The following LARS2 variants were observed in gnomAD, a reference collection of about 807,000 sequenced individuals.
LARS2 encodes the protein leucyl-tRNA synthetase 2, mitochondrial.
A neutral mutation model predicts 116.6 loss-of-function variants in LARS2; 81 were observed. The ratio of observed to expected loss-of-function variants is 0.69; its 90% CI spans 0.58 to 0.84. LARS2 has a LOEUF of 0.84. Ranked by LOEUF, LARS2 falls within the 40% of genes least tolerant of loss-of-function variation. The pLI, the probability that LARS2 is intolerant of heterozygous loss-of-function variation, is 0.00. For synonymous variants in LARS2, 396 were observed against 407.2 expected (o/e 0.97, Z 0.33); for missense variants, 968 against 1,114.5 (o/e 0.87, Z 1.87).
intron 6 of LARS2, among the ~76,000 whole-genome samples, chr3:45,423,055 GTTTTC>G (rs1224335478): frequency 6.6e-6 from 1 of 152,050 alleles, no homozygotes; most frequent in Non-Finnish European, 1.5e-5. Context: ...TTTGGATTCT[GTTTTC>G]TTTTATCTAT....
intron 12 of LARS2, among the ~76,000 whole-genome samples, chr3:45,489,829 A>G (rs765466673): frequency 5.3e-5 from 8 of 152,152 alleles, no homozygotes; most frequent in Non-Finnish European, 8.8e-5. Context: ...TCAGACATCA[A>G]TAGTGTTCAG....
rs912197990 is a variant in LARS2 at position 45,486,790 on chromosome 3, C to T, written c.1123+994C>T. Among the ~76,000 whole-genome samples the T allele has an allele frequency of 4.6e-5, 7 of 152,026 alleles. 1 individual carries two copies. The highest frequency in any genetic ancestry group is 7.4e-5 in the Non-Finnish European group (5 of 68,020). On this transcript the variant is annotated intron_variant, in intron 11 of 21. Transcript: ENST00000645846. ...AGTAAAATTTATTAATATAACCAGC[C>T]GGGATAAACATAAAGGCAGTTTTTA...
At chr3:45,413,607 T>G (rs1324892534) in intron 4 of LARS2, among the ~76,000 whole-genome samples, 1 of 152,246 alleles carries the variant, frequency 6.6e-6, no homozygotes, top group Non-Finnish European at 1.5e-5. Flanking sequence ...TTGGTTAGCA[T>G]TTCCTGTGCA....
rs999129479 is a variant in LARS2 at position 45,504,197 on chromosome 3, C to T, written c.1760+3618C>T. On this transcript the variant is annotated intron_variant, in intron 15 of 21. Coordinates refer to ENST00000645846, the MANE Select transcript of LARS2 (RefSeq NM_015340.4). ...GTCCAGTGATCCTCTTTATTATACGCTTAGCAAATAATTGGGAGCATATAT... is the reference window on the plus strand; with the variant it reads ...GTCCAGTGATCCTCTTTATTATACGTTTAGCAAATAATTGGGAGCATATAT... Among the ~76,000 whole-genome samples, 19 of 151,972 alleles carry T rather than the reference C, an allele frequency of 1.3e-4. No homozygotes were observed. The South Asian group carries it at 4.0e-3, about 32-fold the overall frequency.
intron 21 of LARS2, 30 bp from the exon 22 acceptor site, chr3:45,547,321 A>C (rs376328085): frequency 1.2e-5 from 19 of 1,579,424 alleles, no homozygotes; most frequent in Non-Finnish European, 1.5e-5. Flanking sequence ...GATGTTCCTC[A>C]TTGTTTATCT....
rs546668983 is a variant in LARS2 at position 45,544,496 on chromosome 3, T to C, written c.2532+2540T>C. On this transcript the variant is annotated intron_variant, in intron 21 of 21. Transcript: ENST00000645846. ...TGCACTAATGACAAAATCCTCTTAATACAGAGTGAGCGCCGACCCAGGGCC... is the reference window on the plus strand; with the variant it reads ...TGCACTAATGACAAAATCCTCTTAACACAGAGTGAGCGCCGACCCAGGGCC... Among the ~76,000 whole-genome samples, 48 of 152,318 alleles carry C rather than the reference T, an allele frequency of 3.2e-4. 1 individual carries two copies. The highest frequency in any genetic ancestry group is 1.7e-3 in the Admixed American group (26 of 15,300).
At chr3:45,453,087 G>C (rs964611784) in intron 7 of LARS2, among the ~76,000 whole-genome samples, 1 of 151,980 alleles carries the variant, frequency 6.6e-6, no homozygotes, top group Non-Finnish European at 1.5e-5. Flanking sequence ...TGTTGATTTT[G>C]TGTGAATTTT....
intron 7 of LARS2, among the ~76,000 whole-genome samples, chr3:45,455,828 T>A (rs1263692579): frequency 6.6e-6 from 1 of 152,042 alleles, no homozygotes; most frequent in Admixed American, 6.6e-5. Context: ...AACAATAAAA[T>A]TCTGTCATTT....
chr3:45,539,061 A>G (rs531902319), intron 20 of LARS2, among the ~76,000 whole-genome samples: 1 of 152,354 alleles, frequency 6.6e-6, no homozygotes, highest in East Asian at 1.9e-4. Flanking sequence ...TTGAAAGAAA[A>G]ATCACAAACC....
rs145223535 is a variant in LARS2, at chr3:45,478,218, A to G, written c.1018+1591A>G. ...TCCTTGCTCAAAAGAAAAACTGGAT[A>G]TGTTTCAACTGTTTAGTTTAAAGGG... On this transcript the variant is annotated intron_variant, in intron 10 of 21. Coordinates refer to ENST00000645846, the MANE Select transcript of LARS2 (RefSeq NM_015340.4). Among the ~76,000 whole-genome samples the G allele has an allele frequency of 3.9e-5, 6 of 152,330 alleles. No homozygotes were observed. The East Asian group carries it at 1.2e-3, about 29-fold the overall frequency.
At chr3:45,418,113 G>A (rs1024366675) in intron 5 of LARS2, among the ~76,000 whole-genome samples, 5 of 152,282 alleles carry the variant, frequency 3.3e-5, no homozygotes, top group Admixed American at 6.5e-5. Context: ...TCTACTACAC[G>A]TGGGCCAGCG....
chr3:45,459,671 T>A (rs1466571451), intron 8 of LARS2, among the ~76,000 whole-genome samples: 1 of 152,168 alleles, frequency 6.6e-6, no homozygotes, highest in Non-Finnish European at 1.5e-5. Context: ...TCTGTGCAAT[T>A]TGCCCTTTGA....
chr3:45,470,797 A>C (rs1335596983), intron 8 of LARS2, among the ~76,000 whole-genome samples: 1 of 152,134 alleles, frequency 6.6e-6, no homozygotes, highest in Non-Finnish European at 1.5e-5. Context: ...GAATTAGAGG[A>C]GAGAAAGGGC....
intron 12 of LARS2, 106 bp downstream of exon 12, chr3:45,488,918 C>A: frequency 1.3e-6 from 1 of 771,120 alleles, no homozygotes; most frequent in Non-Finnish European, 2.4e-6. Context: ...CGTCCCCATA[C>A]CTAACAGCCT....
intron 21 of LARS2, 31 bp from the exon 22 acceptor site, chr3:45,547,320 C>A: frequency 6.3e-7 from 1 of 1,577,748 alleles, no homozygotes; most frequent in South Asian, 1.2e-5. Context: ...GGATGTTCCT[C>A]ATTGTTTATC....
chr3:45,453,048 CTCTTT>C (rs1175505819), intron 7 of LARS2, among the ~76,000 whole-genome samples: 2 of 152,046 alleles, frequency 1.3e-5, no homozygotes, highest in Non-Finnish European at 2.9e-5. Flanking sequence ...ATTTATTTGG[CTCTTT>C]TCTTCTTAGT....
intron 6 of LARS2, among the ~76,000 whole-genome samples, chr3:45,441,596 C>T (rs1698913305): frequency 6.6e-6 from 1 of 152,196 alleles, no homozygotes; most frequent in South Asian, 2.1e-4. Flanking sequence ...AAGGAGGCTT[C>T]AGTGGGGCAC....
Position 45,516,214 on chromosome 3 carries a change from C to T in LARS2, c.1982C>T (p.Thr661Met), listed in dbSNP as rs763484078. The change falls in exon 17 of 22, where the codon ACG (threonine) becomes ATG (methionine). Residue 661 changes from threonine (T) to methionine (M), a missense_variant. Thr to Met is a moderately conservative substitution (Grantham distance 81). Transcript: ENST00000645846. The part of the protein sequence containing the change: ...EEVVEQYGID[T>M]IRLYILFAAP... ...GTTGTGGAGCAGTATGGGATCGACA[C>T]GATTCGGCTCTACATCCTTTTTGCT... 11 of 1,614,174 alleles carry T rather than the reference C, an allele frequency of 6.8e-6. No homozygotes were observed. The highest frequency in any genetic ancestry group is 6.7e-5 in the East Asian group (3 of 44,892).
At chr3:45,394,772 G>A (rs914281951) in intron 3 of LARS2, 85 bp downstream of exon 3, 2 of 860,736 alleles carry the variant, frequency 2.3e-6, no homozygotes, top group African/African-American at 3.4e-5. Context: ...GTTCAAATAA[G>A]ATATTAAATA....
Sources: allele counts gnomAD v4.1 joint callset (sites outside exome capture counted in the v4.1 genomes callset), GRCh38; gene constraint gnomAD v4.1.1; transcripts MANE v1.5; gene names NCBI Gene and HGNC (gene_info 2026-07-23, HGNC 2026-07-21).